Variants in EPHA5 observed in about 807,000 individuals in gnomAD.
The protein encoded by EPHA5 is ephrin type-A receptor 5.
In EPHA5, 60 loss-of-function variants were observed where a neutral mutation model predicts 105.0. That is an observed-to-expected ratio of 0.57 (90% CI 0.46 to 0.71). The LOEUF is 0.71. EPHA5 is among the 30% of genes least tolerant of loss of function. EPHA5 has a pLI of 0.00. For synonymous variants in EPHA5, 513 were observed against 449.1 expected (o/e 1.14, Z -1.80); for missense variants, 1,218 against 1,274.7 (o/e 0.96, Z 0.68).
At chr4:65,551,697 CAG>C (rs769189304) in intron 3 of EPHA5, among the ~76,000 whole-genome samples, 2 of 152,034 alleles carry the variant, frequency 1.3e-5, no homozygotes, top group Non-Finnish European at 2.9e-5. Flanking sequence ...TATTGCATAA[CAG>C]TGTCAATTTT....
At chr4:65,655,233 G>A (rs1402217659) in intron 1 of EPHA5, among the ~76,000 whole-genome samples, 2 of 151,916 alleles carry the variant, frequency 1.3e-5, no homozygotes, top group African/African-American at 4.8e-5. Flanking sequence ...ATACATGTGA[G>A]TAAATATACA....
intron 2 of EPHA5, among the ~76,000 whole-genome samples, chr4:65,626,655 C>T (rs146162920): frequency 1.3e-5 from 2 of 152,134 alleles, no homozygotes; most frequent in African/African-American, 4.8e-5. Flanking sequence ...ATGGCCATTA[C>T]GTATAGTTTC....
intron 2 of EPHA5, among the ~76,000 whole-genome samples, chr4:65,605,537 C>T (rs1371492728): frequency 6.6e-6 from 1 of 152,074 alleles, no homozygotes; most frequent in African/African-American, 2.4e-5. Flanking sequence ...CATTATGTCC[C>T]CAAATTCACA....
intron 3 of EPHA5, among the ~76,000 whole-genome samples, chr4:65,519,745 A>C (rs1734487504): frequency 6.6e-6 from 1 of 152,164 alleles, no homozygotes; most frequent in African/African-American, 2.4e-5. Context: ...AGACAAACAG[A>C]GAGCAAAATC....
chr4:65,530,379 A>T (rs903964226), intron 3 of EPHA5, among the ~76,000 whole-genome samples: 2 of 151,162 alleles, frequency 1.3e-5, no homozygotes, highest in Non-Finnish European at 2.9e-5. Flanking sequence ...GAAAATACTA[A>T]GCTATCGTAT....
At chr4:65,570,422 T>C (rs758178968) in intron 3 of EPHA5, among the ~76,000 whole-genome samples, 2 of 144,100 alleles carry the variant, frequency 1.4e-5, no homozygotes, top group Non-Finnish European at 3.1e-5. Flanking sequence ...CTCTTTAGTG[T>C]GATGGCCTTG....
At chr4:65,660,873 T>C (rs1749499070) in intron 1 of EPHA5, among the ~76,000 whole-genome samples, 1 of 152,104 alleles carries the variant, frequency 6.6e-6, no homozygotes, top group East Asian at 1.9e-4. Flanking sequence ...GTAGAATATT[T>C]TTCTACTCCG....
intron 8 of EPHA5, among the ~76,000 whole-genome samples, chr4:65,397,631 T>C (rs938541707): frequency 6.6e-6 from 1 of 151,748 alleles, no homozygotes; most frequent in Non-Finnish European, 1.5e-5. Flanking sequence ...TCCTTTTAGC[T>C]CCTCTTTGTA....
chr4:65,430,190 G>A (rs868628546), intron 5 of EPHA5, among the ~76,000 whole-genome samples: 9 of 151,870 alleles, frequency 5.9e-5, no homozygotes, highest in Admixed American at 3.9e-4. Context: ...AACAGATCAC[G>A]CAGAGAAATT....
chr4:65,369,388 A>G (rs1718235506), intron 8 of EPHA5, among the ~76,000 whole-genome samples: 2 of 152,184 alleles, frequency 1.3e-5, no homozygotes, highest in Non-Finnish European at 2.9e-5. Context: ...CAGTTTACTA[A>G]AAACAAAATT....
intron 7 of EPHA5, among the ~76,000 whole-genome samples, chr4:65,405,685 A>G (rs1413875858): frequency 1.3e-5 from 2 of 152,030 alleles, no homozygotes; most frequent in Admixed American, 1.3e-4. Flanking sequence ...CAGTGCTCTT[A>G]CCTTCTCTCT....
At chr4:65,635,169 C>T (rs1458955108) in intron 2 of EPHA5, among the ~76,000 whole-genome samples, 11 of 151,962 alleles carry the variant, frequency 7.2e-5, no homozygotes, top group African/African-American at 2.7e-4. Flanking sequence ...AAAGAAATAA[C>T]AGAACAAAGC....
At chr4:65,528,299 T>C (rs985212603) in intron 3 of EPHA5, among the ~76,000 whole-genome samples, 1 of 152,100 alleles carries the variant, frequency 6.6e-6, no homozygotes, top group African/African-American at 2.4e-5. Flanking sequence ...CTAACAAATC[T>C]AAAATTAAAC....
At chr4:65,491,830 T>C (rs111601088) in intron 4 of EPHA5, among the ~76,000 whole-genome samples, 3 of 152,112 alleles carry the variant, frequency 2.0e-5, no homozygotes, top group South Asian at 2.1e-4. Context: ...ATTAGAATAA[T>C]AGAGAGAACA....
At chr4:65,400,545 T>C (rs1370638393) in intron 8 of EPHA5, among the ~76,000 whole-genome samples, 1 of 152,134 alleles carries the variant, frequency 6.6e-6, no homozygotes, top group Non-Finnish European at 1.5e-5. Context: ...TCCTTCAAGA[T>C]GGATACTTTA....
At chr4:65,585,974 G>A (rs1316446422) in intron 3 of EPHA5, among the ~76,000 whole-genome samples, 1 of 150,918 alleles carries the variant, frequency 6.6e-6, no homozygotes, top group African/African-American at 2.4e-5. Flanking sequence ...ATCATTTCTG[G>A]AATGTCTCCT....
intron 6 of EPHA5, among the ~76,000 whole-genome samples, chr4:65,418,424 T>A (rs150485144): frequency 6.6e-6 from 1 of 152,306 alleles, no homozygotes; most frequent in East Asian, 1.9e-4. Flanking sequence ...GTCACTATAT[T>A]CCACTTGATT....
chr4:65,612,561 C>G (rs1249701122), intron 2 of EPHA5, among the ~76,000 whole-genome samples: 1 of 152,156 alleles, frequency 6.6e-6, no homozygotes, highest in Non-Finnish European at 1.5e-5. Flanking sequence ...TTTTCTTTAT[C>G]CAATCATCCT....
chr4:65,376,962 C>A (rs778133289), intron 8 of EPHA5: 1 of 1,553,206 alleles, frequency 6.4e-7, no homozygotes, highest in Non-Finnish European at 8.7e-7. Flanking sequence ...TATAGGTGGA[C>A]ATCACATAGG....
Sources: gnomAD v4.1 joint callset for allele counts (sites outside exome capture counted in the v4.1 genomes callset) on GRCh38, gnomAD v4.1.1 for gene constraint, MANE v1.5 for transcripts, NCBI Gene and HGNC (gene_info 2026-07-23, HGNC 2026-07-21) for gene names.